Variants in UBE3D observed in about 807,000 individuals in gnomAD.
The protein encoded by UBE3D is ubiquitin protein ligase E3D.
UBE3D carries 48 observed loss-of-function variants against 49.6 expected under a neutral mutation model. The ratio of observed to expected loss-of-function variants is 0.97; its 90% CI spans 0.77 to 1.23. The LOEUF (loss-of-function observed/expected upper bound fraction) is 1.23, where lower values mean the gene tolerates loss of function less well. UBE3D is among the 50% of genes most tolerant of loss of function. The pLI is 0.00. For synonymous variants in UBE3D, 189 were observed against 174.2 expected (o/e 1.08, Z -0.67); for missense variants, 452 against 468.4 (o/e 0.96, Z 0.32).
intron 9 of UBE3D, among the ~76,000 whole-genome samples, chr6:82,948,406 T>C (rs963322768): frequency 1.3e-5 from 2 of 151,980 alleles, no homozygotes; most frequent in African/African-American, 4.8e-5. Flanking sequence ...CAGGACCTGA[T>C]GGCTTCACTG....
intron 8 of UBE3D, among the ~76,000 whole-genome samples, chr6:82,961,215 A>G (rs1014533883): frequency 1.3e-5 from 2 of 152,244 alleles, no homozygotes; most frequent in African/African-American, 2.4e-5. Context: ...ATGGTAAATT[A>G]TGCAAATAAA....
At chr6:82,886,668 T>C in the UBE3D span, among the ~76,000 whole-genome samples, 688 of 152,352 alleles carry the variant, frequency 4.5e-3, 5 homozygotes, top group South Asian at 0.015. Context: ...CAAGTTCTCT[T>C]TGTTTCCTCT....
intron 8 of UBE3D, among the ~76,000 whole-genome samples, chr6:83,013,670 T>C (rs1031673028): frequency 6.6e-6 from 1 of 152,172 alleles, no homozygotes; most frequent in African/African-American, 2.4e-5. Context: ...TGCAGCAACT[T>C]TTCCTTCACC....
At chr6:82,933,877 A>G (rs1413268012) in intron 9 of UBE3D, among the ~76,000 whole-genome samples, 2 of 152,212 alleles carry the variant, frequency 1.3e-5, no homozygotes, top group Admixed American at 6.5e-5. Context: ...GTGTGGAGGC[A>G]GAGCTAAAGC....
chr6:82,970,103 T>C (rs1777240508), intron 8 of UBE3D, among the ~76,000 whole-genome samples: 2 of 148,140 alleles, frequency 1.4e-5, no homozygotes, highest in Non-Finnish European at 3.0e-5. Flanking sequence ...TAATTATATA[T>C]AATAGAACAT....
At chr6:83,063,412 TAAAAAAAAAAAAA>T (rs201669450) in intron 1 of UBE3D, among the ~76,000 whole-genome samples, 1 of 45,496 alleles carries the variant, frequency 2.2e-5, no homozygotes, top group East Asian at 4.3e-4. Context: ...AGACGCTGTC[TAAAAAAAAAAAAA>T]AAAAAAAAAA....
chr6:83,056,085 T>C (rs182644713), intron 2 of UBE3D, among the ~76,000 whole-genome samples: 1 of 152,228 alleles, frequency 6.6e-6, no homozygotes, highest in Non-Finnish European at 1.5e-5. Flanking sequence ...ACAAACAATA[T>C]GCAAATCAGC....
chr6:82,926,258 T>A (rs1170290576), intron 9 of UBE3D, among the ~76,000 whole-genome samples: 2 of 152,142 alleles, frequency 1.3e-5, no homozygotes, highest in Middle Eastern at 3.2e-3. Context: ...CCTAGTAATA[T>A]GCATTTAAGT....
chr6:82,949,785 T>C (rs1230344571), intron 9 of UBE3D, among the ~76,000 whole-genome samples: 2 of 152,154 alleles, frequency 1.3e-5, no homozygotes, highest in Admixed American at 6.5e-5. Flanking sequence ...CTTCAATAAA[T>C]GGTTCTGAGA....
At chr6:82,957,730 A>G (rs1015837624) in intron 8 of UBE3D, among the ~76,000 whole-genome samples, 5 of 152,146 alleles carry the variant, frequency 3.3e-5, no homozygotes, top group Non-Finnish European at 7.3e-5. Flanking sequence ...TGCTGGGGGA[A>G]GGGGTGGCAG....
intron 9 of UBE3D, among the ~76,000 whole-genome samples, chr6:82,898,091 C>T (rs1354709602): frequency 6.6e-6 from 1 of 151,818 alleles, no homozygotes; most frequent in Non-Finnish European, 1.5e-5. Context: ...CTCATCATCA[C>T]TGGTCATTAG....
chr6:82,958,715 G>C (rs1368526032), intron 8 of UBE3D, among the ~76,000 whole-genome samples: 1 of 152,190 alleles, frequency 6.6e-6, no homozygotes, highest in Non-Finnish European at 1.5e-5. Context: ...CCCCCTTTTA[G>C]CTCTTAGTAG....
chr6:82,959,828 C>T (rs1449219203), intron 8 of UBE3D, among the ~76,000 whole-genome samples: 2 of 152,046 alleles, frequency 1.3e-5, no homozygotes, highest in Middle Eastern at 3.4e-3. Context: ...CCAGTCCACA[C>T]CCCTTCAAGC....
At chr6:82,953,419 C>A (rs1023099134) in intron 9 of UBE3D, among the ~76,000 whole-genome samples, 1 of 152,204 alleles carries the variant, frequency 6.6e-6, no homozygotes, top group Non-Finnish European at 1.5e-5. Context: ...TGTGGATACC[C>A]ATCTGTGCTC....
At chr6:83,048,820 A>G (rs1783259561) in intron 3 of UBE3D, among the ~76,000 whole-genome samples, 1 of 152,226 alleles carries the variant, frequency 6.6e-6, no homozygotes, top group African/African-American at 2.4e-5. Context: ...ATATTTATCT[A>G]AAACCCTGAA....
At chr6:82,896,637 T>G (rs1346670110) in intron 9 of UBE3D, among the ~76,000 whole-genome samples, 1 of 152,258 alleles carries the variant, frequency 6.6e-6, no homozygotes, top group Non-Finnish European at 1.5e-5. Flanking sequence ...ATTAATACAT[T>G]TGTGTGACAC....
chr6:82,881,891 AAATT>A, the UBE3D span, among the ~76,000 whole-genome samples: 1 of 152,204 alleles, frequency 6.6e-6, no homozygotes, highest in African/African-American at 2.4e-5. Flanking sequence ...TCCCACAAAT[AAATT>A]AATTAATGCC....
chr6:83,046,667 G>C (rs534557572), intron 3 of UBE3D, among the ~76,000 whole-genome samples: 1 of 86,848 alleles, frequency 1.2e-5, no homozygotes, highest in African/African-American at 4.2e-5. Flanking sequence ...AATTCTTGCA[G>C]TTGGCGGGGG....
intron 8 of UBE3D, among the ~76,000 whole-genome samples, chr6:82,958,836 A>G (rs1298358062): frequency 6.6e-6 from 1 of 152,228 alleles, no homozygotes; most frequent in African/African-American, 2.4e-5. Context: ...AAGTAAGTGA[A>G]GTCCAAGGAA....
Sources: allele counts gnomAD v4.1 joint callset (sites outside exome capture counted in the v4.1 genomes callset), GRCh38; gene constraint gnomAD v4.1.1; transcripts MANE v1.5; gene names NCBI Gene and HGNC (gene_info 2026-07-23, HGNC 2026-07-21).